Variants in ZNF429 observed in about 807,000 individuals in gnomAD.
ZNF429 encodes zinc finger protein 429.
ZNF429 carries 53 observed loss-of-function variants against 56.8 expected under a neutral mutation model. The ratio of observed to expected loss-of-function variants is 0.93; its 90% CI spans 0.75 to 1.17. The LOEUF (loss-of-function observed/expected upper bound fraction) is 1.17, where lower values mean the gene tolerates loss of function less well. ZNF429 is among the 50% of genes most tolerant of loss of function. The probability of loss-of-function intolerance (pLI) is 0.00; values close to 1 mark genes in which losing one functional copy is unlikely to be tolerated. For missense variants in ZNF429, 849 were observed against 788.4 expected (o/e 1.08, Z -0.92); for synonymous variants, 278 against 264.7 (o/e 1.05, Z -0.49).
Position 21,515,525 on chromosome 19 carries a change from A to G in ZNF429, c.3+9751A>G, listed in dbSNP as rs545519964. ...GCATAGTTTGCAAATATTTTCTTCT[A>G]TTCTGTAGATTGTCTGTTTACTCTG... On this transcript the variant is annotated intron_variant, in intron 1 of 3. Transcript: ENST00000358491. 5.9e-5 allele frequency among the ~76,000 whole-genome samples: 9 copies of G among 151,952 alleles called. No individual in the cohort carries two copies. In the South Asian group the frequency reaches 1.9e-3, roughly 32 times the overall value.
chr19:21,515,244 T>G (rs1472926447), intron 1 of ZNF429, among the ~76,000 whole-genome samples: 2 of 151,384 alleles, frequency 1.3e-5, no homozygotes, highest in African/African-American at 2.4e-5. Flanking sequence ...CCTGGCCTTT[T>G]TTTTTTTTTT....
chr19:21,513,260 G>C (rs960160569), intron 1 of ZNF429, among the ~76,000 whole-genome samples: 1 of 152,026 alleles, frequency 6.6e-6, no homozygotes, highest in Non-Finnish European at 1.5e-5. Context: ...CTGTTTTCTC[G>C]GATTATCCAC....
At chr19:21,534,597 G>T in intron 3 of ZNF429, among the ~76,000 whole-genome samples, 2 of 152,086 alleles carry the variant, frequency 1.3e-5, no homozygotes, top group Non-Finnish European at 2.9e-5. Flanking sequence ...TCTCAAACTT[G>T]TGGCTCCAAG....
chr19:21,526,179 T>C (rs1284400492), intron 1 of ZNF429, among the ~76,000 whole-genome samples: 2 of 152,052 alleles, frequency 1.3e-5, no homozygotes, highest in Non-Finnish European at 2.9e-5. Flanking sequence ...TTTCTTCACT[T>C]TGACTTTTTT....
chr19:21,530,771 A>T lies in ZNF429; in HGVS notation c.226+87A>T. The T allele has an allele frequency of 4.2e-5, 42 of 1,007,658 alleles. 1 individual carries two copies. In the Admixed American group the frequency reaches 1.1e-3, roughly 26 times the overall value. The allele number at this position is 1,007,658 out of a possible 1,614,324, so 62.4% of individuals were successfully genotyped here. ...CAGTCCTTAACAATGTGATTTGGGA[A>T]GCTATGTTTCAAAGAAAATATTTTC... On this transcript the variant is annotated intron_variant, in intron 3 of 3. Transcript: ENST00000358491.
chr19:21,535,507 C>CTTTCTTTCTTTCTTTCT, intron 3 of ZNF429, among the ~76,000 whole-genome samples: 1 of 88,394 alleles, frequency 1.1e-5, no homozygotes, highest in African/African-American at 4.7e-5. Flanking sequence ...TTCTTTCTTT[C>CTTTCTTTCTTTCTTTCT]TTTCTTTCCT....
intron 1 of ZNF429, among the ~76,000 whole-genome samples, chr19:21,508,643 T>C (rs978394565): frequency 1.3e-5 from 2 of 152,100 alleles, no homozygotes; most frequent in Non-Finnish European, 2.9e-5. Context: ...TTTTTTTTGT[T>C]AAAAATTCTC....
At chr19:21,510,243 A>T (rs547845975) in intron 1 of ZNF429, among the ~76,000 whole-genome samples, 4 of 152,244 alleles carry the variant, frequency 2.6e-5, no homozygotes, top group African/African-American at 7.2e-5. Context: ...CAGATTCTAG[A>T]TCAGAGAATG....
rs778053287 is a variant in ZNF429, at chr19:21,536,726, G to A, written c.673G>A (p.Gly225Ser). The change falls in exon 4 of 4, where the codon GGT (glycine) becomes AGT (serine). Residue 225 changes from glycine (G) to serine (S), a missense_variant. Transcript: ENST00000358491. ...ALTNHKRIYV[G>S]EKHYRCEECG... ...TACTAACCATAAGAGAATTTATGTT[G>A]GTGAGAAACACTACAGATGTGAAGA... 4 of 1,613,650 alleles carry A rather than the reference G, an allele frequency of 2.5e-6. No individual in the cohort carries two copies. Among genetic ancestry groups the A allele is most frequent in the Non-Finnish European group, 2.5e-6 (3 of 1,179,946 alleles).
chr19:21,509,435 T>C (rs973574978), intron 1 of ZNF429, among the ~76,000 whole-genome samples: 1 of 152,236 alleles, frequency 6.6e-6, no homozygotes, highest in African/African-American at 2.4e-5. Context: ...GTAATTTTGC[T>C]GGATTTTTCG....
intron 1 of ZNF429, among the ~76,000 whole-genome samples, chr19:21,518,040 G>C (rs138455726): frequency 4.3e-5 from 3 of 70,370 alleles, no homozygotes; most frequent in Non-Finnish European, 9.3e-5. Context: ...CACCCACCTC[G>C]GCCTCCCAAA....
chr19:21,505,908 G>A (rs1177898156), intron 1 of ZNF429, 134 bp downstream of exon 1: 1 of 978,838 alleles, frequency 1.0e-6, no homozygotes, highest in African/African-American at 1.6e-5. Flanking sequence ...TGCCCAGCTC[G>A]GCTTCAGTCC....
intron 1 of ZNF429, 62 bp from the exon 2 acceptor site, chr19:21,529,596 G>A: frequency 2.9e-6 from 4 of 1,356,428 alleles, no homozygotes; most frequent in South Asian, 3.9e-5. Context: ...CTACCCATGG[G>A]CACTTGGTCA....
At chr19:21,511,515 G>A (rs2032471123) in intron 1 of ZNF429, among the ~76,000 whole-genome samples, 1 of 152,074 alleles carries the variant, frequency 6.6e-6, no homozygotes, top group Admixed American at 6.5e-5. Context: ...TTCCTAGATG[G>A]GATGGCAGCC....
chr19:21,527,897 C>T (rs2033226281), intron 1 of ZNF429, among the ~76,000 whole-genome samples: 1 of 152,134 alleles, frequency 6.6e-6, no homozygotes, highest in Non-Finnish European at 1.5e-5. Flanking sequence ...TGTCCCAGAT[C>T]AAGAGCTGTG....
intron 1 of ZNF429, among the ~76,000 whole-genome samples, chr19:21,522,238 A>G (rs574184700): frequency 2.6e-5 from 4 of 152,336 alleles, no homozygotes; most frequent in South Asian, 2.1e-4. Context: ...TTATTTTGTC[A>G]TTGACTATAA....
intron 1 of ZNF429, among the ~76,000 whole-genome samples, chr19:21,526,585 T>C (rs1218482905): frequency 6.6e-6 from 1 of 152,212 alleles, no homozygotes; most frequent in South Asian, 2.1e-4. Context: ...ATTACGTCTT[T>C]CCTCTTTGAA....
chr19:21,512,662 C>CA (rs35584125), intron 1 of ZNF429, among the ~76,000 whole-genome samples: 14,836 of 81,234 alleles, frequency 0.18, 1,169 homozygotes, highest in Non-Finnish European at 0.21. Flanking sequence ...GACTCCATCT[C>CA]AAAAAAAAAA....
At position 21,536,420 on chromosome 19, in the gene ZNF429, T is replaced by C; in HGVS notation, c.367T>C (p.Cys123Arg). The change falls in exon 4 of 4, where the codon TGT becomes CGT. Residue 123 changes from cysteine to arginine, a missense_variant. Physicochemically the swap from Cys to Arg is radical, Grantham distance 180. Coordinates refer to ENST00000358491, the MANE Select transcript of ZNF429 (RefSeq NM_001001415.4). ...LRKGYKTVGDCKLYKGGYNGL... is the reference protein window; with the variant it reads ...LRKGYKTVGDRKLYKGGYNGL... ...AAAAGGCTATAAAACTGTAGGTGAT[T>C]GTAAGCTATACAAAGGAGGTTATAA... 1 of 1,613,916 alleles carries C rather than the reference T, an allele frequency of 6.2e-7. No individual in the cohort carries two copies. Among genetic ancestry groups the C allele is most frequent in the South Asian group, 1.1e-5 (1 of 91,064 alleles).
Sources: allele counts gnomAD v4.1 joint callset (sites outside exome capture counted in the v4.1 genomes callset), GRCh38; gene constraint gnomAD v4.1.1; transcripts MANE v1.5; gene names NCBI Gene and HGNC (gene_info 2026-07-23, HGNC 2026-07-21).